Variants in EYS observed in about 807,000 individuals in gnomAD.
The protein encoded by EYS is protein eyes shut homolog.
In EYS, 250 loss-of-function variants were observed where a neutral mutation model predicts 282.1. The ratio of observed to expected loss-of-function variants is 0.89; its 90% CI spans 0.80 to 0.98. The LOEUF (loss-of-function observed/expected upper bound fraction) is 0.98, where lower values mean the gene tolerates loss of function less well. Among genes scored for constraint, EYS ranks in the 50% least tolerant of loss-of-function variants. The pLI, the probability that EYS is intolerant of heterozygous loss-of-function variation, is 0.00. For missense variants in EYS, 4,016 were observed against 3,709.0 expected, an observed-to-expected ratio of 1.08 and a Z score of -2.15; for synonymous variants, 1,355 against 1,282.9, an observed-to-expected ratio of 1.06 and a Z score of -1.20.
intron 26 of EYS, among the ~76,000 whole-genome samples, chr6:64,441,692 T>C (rs1774954149): frequency 6.6e-6 from 1 of 152,180 alleles, no homozygotes; most frequent in African/African-American, 2.4e-5. Context: ...GTGCTGTTCT[T>C]GCAATAGTGA....
intron 22 of EYS, among the ~76,000 whole-genome samples, chr6:64,640,785 A>G (rs1214214930): frequency 6.6e-6 from 1 of 152,242 alleles, no homozygotes; most frequent in East Asian, 1.9e-4. Flanking sequence ...AAGCTTCATG[A>G]TGAAAACAAA....
chr6:63,726,234 A>G (rs762516890), intron 42 of EYS, among the ~76,000 whole-genome samples: 1 of 152,186 alleles, frequency 6.6e-6, no homozygotes. Flanking sequence ...CTCCTTTGAC[A>G]TAGTACTATC....
Position 64,618,559 on chromosome 6 carries a change from T to C in EYS, c.3569-1026A>G, listed in dbSNP as rs1001712475. On this transcript the variant is annotated intron_variant, in intron 23 of 42. Transcript: ENST00000503581. ...ATTATTGTTTATACTTAGGAAGATATTCTGATTGTTCTTCCCTGATAAATT... is the reference window on the plus strand; with the variant it reads ...ATTATTGTTTATACTTAGGAAGATACTCTGATTGTTCTTCCCTGATAAATT... 1.3e-5 allele frequency among the ~76,000 whole-genome samples: 2 copies of C among 152,206 alleles called. 1 individual carries two copies. The highest frequency in any genetic ancestry group is 4.1e-4 in the South Asian group (2 of 4,836).
chr6:65,465,599 A>G (rs1358914807), intron 5 of EYS, among the ~76,000 whole-genome samples: 2 of 152,236 alleles, frequency 1.3e-5, no homozygotes, highest in Non-Finnish European at 2.9e-5. Flanking sequence ...TTAAATTTAC[A>G]TCAGAGTCAG....
chr6:65,083,913 G>C (rs903654270), intron 12 of EYS, among the ~76,000 whole-genome samples: 7 of 151,518 alleles, frequency 4.6e-5, no homozygotes, highest in Non-Finnish European at 7.4e-5. Flanking sequence ...GCCATAGGTT[G>C]ACATGTATAT....
At chr6:64,265,560 A>G (rs890256189) in intron 30 of EYS, among the ~76,000 whole-genome samples, 1 of 152,198 alleles carries the variant, frequency 6.6e-6, no homozygotes, top group Non-Finnish European at 1.5e-5. Context: ...ATCTTTTAAC[A>G]AACCAGTTTT....
intron 12 of EYS, among the ~76,000 whole-genome samples, chr6:65,098,132 A>T (rs1774792319): frequency 6.6e-6 from 1 of 150,798 alleles, no homozygotes; most frequent in South Asian, 2.1e-4. Flanking sequence ...AAGGAAATGA[A>T]AAAAGATTCT....
chr6:65,489,934 C>T (rs1002313000), intron 5 of EYS: 3 of 152,072 alleles, frequency 2.0e-5, no homozygotes, highest in African/African-American at 7.2e-5. Context: ...ACAATGAGAA[C>T]ACATGGACAC....
At chr6:64,546,049 A>G (rs1342426296) in intron 26 of EYS, among the ~76,000 whole-genome samples, 2 of 152,198 alleles carry the variant, frequency 1.3e-5, no homozygotes, top group African/African-American at 2.4e-5. Context: ...AACAAAAATG[A>G]GCCCGCATTG....
At chr6:63,818,002 C>T (rs1771226185) in intron 36 of EYS, among the ~76,000 whole-genome samples, 1 of 152,268 alleles carries the variant, frequency 6.6e-6, no homozygotes, top group East Asian at 1.9e-4. Context: ...TCATGGACCT[C>T]TATAGCAGTC....
intron 12 of EYS, among the ~76,000 whole-genome samples, chr6:65,064,073 T>C (rs1413842751): frequency 2.7e-5 from 4 of 148,798 alleles, no homozygotes; most frequent in African/African-American, 9.8e-5. Flanking sequence ...CTAATACTGC[T>C]ATACAGTAAC....
chr6:63,910,103 G>A (rs1007655431), intron 35 of EYS, among the ~76,000 whole-genome samples: 10 of 152,042 alleles, frequency 6.6e-5, no homozygotes, highest in African/African-American at 2.2e-4. Flanking sequence ...TGGGAGAAAC[G>A]GAAGAAAATA....
At chr6:64,450,576 A>G (rs1582769115) in intron 26 of EYS, among the ~76,000 whole-genome samples, 1 of 152,222 alleles carries the variant, frequency 6.6e-6, no homozygotes, top group East Asian at 1.9e-4. Flanking sequence ...ACCACACCAC[A>G]CCTATTCCAA....
At chr6:63,860,806 G>C (rs994307367) in intron 36 of EYS, among the ~76,000 whole-genome samples, 10 of 152,278 alleles carry the variant, frequency 6.6e-5, no homozygotes, top group African/African-American at 1.2e-4. Context: ...GTGTTTGTCA[G>C]GGTATGGTAC....
intron 26 of EYS, among the ~76,000 whole-genome samples, chr6:64,467,988 AC>A (rs1385851924): frequency 2.0e-5 from 3 of 151,912 alleles, no homozygotes; most frequent in Non-Finnish European, 2.9e-5. Context: ...CATGTATACT[AC>A]TTGGGGGTCA....
At chr6:63,789,767 C>T (rs1347167932) in intron 37 of EYS, among the ~76,000 whole-genome samples, 2 of 152,238 alleles carry the variant, frequency 1.3e-5, no homozygotes, top group East Asian at 3.8e-4. Context: ...TCCCTCTTCT[C>T]TCTCTCCTTC....
intron 39 of EYS, among the ~76,000 whole-genome samples, chr6:63,783,348 G>C (rs1230610913): frequency 6.6e-6 from 1 of 152,132 alleles, no homozygotes; most frequent in Non-Finnish European, 1.5e-5. Flanking sequence ...GGCAAGGCCT[G>C]GAAGTAGCAA....
At chr6:64,808,658 C>T (rs931058331) in intron 22 of EYS, among the ~76,000 whole-genome samples, 69 of 151,800 alleles carry the variant, frequency 4.5e-4, no homozygotes, top group Admixed American at 1.4e-3. Flanking sequence ...CAAAATACAA[C>T]TCTTCTGTGT....
chr6:65,392,064 A>G (rs576103170), intron 7 of EYS, among the ~76,000 whole-genome samples: 1 of 152,238 alleles, frequency 6.6e-6, no homozygotes, highest in Non-Finnish European at 1.5e-5. Context: ...GAAACAAGCA[A>G]TGGGGAAAGG....
Sources: allele counts gnomAD v4.1 joint callset (sites outside exome capture counted in the v4.1 genomes callset), GRCh38; gene constraint gnomAD v4.1.1; transcripts MANE v1.5; gene names NCBI Gene and HGNC (gene_info 2026-07-23, HGNC 2026-07-21).